LDB3: variants seen among roughly 807,000 people sequenced by gnomAD.
LDB3 encodes the protein LIM domain-binding protein 3.
LDB3 carries 49 observed loss-of-function variants against 69.0 expected under a neutral mutation model. That is an observed-to-expected ratio of 0.71 (90% CI 0.56 to 0.90). The LOEUF (loss-of-function observed/expected upper bound fraction) is 0.90, where lower values mean the gene tolerates loss of function less well. LDB3 is among the 40% of genes least tolerant of loss of function. The probability of loss-of-function intolerance (pLI) is 0.00; values close to 1 mark genes in which losing one functional copy is unlikely to be tolerated. For synonymous variants in LDB3, 387 were observed against 396.2 expected (o/e 0.98, Z 0.28); for missense variants, 928 against 974.1 (o/e 0.95, Z 0.63).
At chr10:86,693,585 T>C (rs1402608873) in intron 7 of LDB3, among the ~76,000 whole-genome samples, 1 of 152,242 alleles carries the variant, frequency 6.6e-6, no homozygotes, top group East Asian at 1.9e-4. Flanking sequence ...TCCCACTTTT[T>C]GGCCAGGCAT....
chr10:86,716,497 A>C lies in LDB3; in HGVS notation c.1402A>C (p.Asn468His). The C allele has an allele frequency of 6.4e-7, 1 of 1,552,354 alleles. No homozygotes were observed. Among genetic ancestry groups the C allele is most frequent in the Non-Finnish European group, 8.7e-7 (1 of 1,145,286 alleles). Reference protein sequence around the residue: ...APAYTPSPAPNYNPAPSVAYS... With the variant: ...APAYTPSPAPHYNPAPSVAYS... Reference sequence around the variant, plus strand: ...AGCCTATACCCCCTCACCTGCCCCCAACTATAACCCTGCACCCTCGGTGGC... The same window carrying C: ...AGCCTATACCCCCTCACCTGCCCCCCACTATAACCCTGCACCCTCGGTGGC... Residue 468 changes from asparagine (N) to histidine (H), a missense_variant, in exon 10 of 14, where the codon AAC becomes CAC. Asn to His is a moderately conservative substitution (Grantham distance 68). Coordinates refer to ENST00000361373, the MANE Select transcript of LDB3 (RefSeq NM_007078.3).
At chr10:86,710,722 A>C (rs1846615878) in intron 9 of LDB3, among the ~76,000 whole-genome samples, 1 of 152,230 alleles carries the variant, frequency 6.6e-6, no homozygotes, top group Non-Finnish European at 1.5e-5. Flanking sequence ...GCTGGAGCCC[A>C]GGGAGATGAG....
Position 86,681,500 on chromosome 10 carries a change from G to T in LDB3, c.386G>T (p.Ser129Ile). Residue 129 changes from serine to isoleucine, a missense_variant, in exon 5 of 14, where the codon AGC (serine) becomes ATC (isoleucine). Physicochemically the swap from Ser to Ile is moderately radical, Grantham distance 142 (BLOSUM62 -2). Coordinates refer to ENST00000361373, the MANE Select transcript of LDB3 (RefSeq NM_007078.3). ...APSPSPEARA[S>I]PGTPGTPELR... ...AGCCCCAGCCCTGAGGCGAGGGCCA[G>T]CCCAGGCACCCCAGGCACCCCGGAG... 1.9e-6 allele frequency: 3 copies of T among 1,610,754 alleles called. No individual in the cohort carries two copies. The highest frequency in any genetic ancestry group is 2.5e-6 in the Non-Finnish European group (3 of 1,179,774).
chr10:86,693,971 C>CT (rs1323319829), intron 7 of LDB3, among the ~76,000 whole-genome samples: 3 of 152,150 alleles, frequency 2.0e-5, no homozygotes, highest in Non-Finnish European at 4.4e-5. Flanking sequence ...AGCAGGGGGC[C>CT]TTTTTTCTCC....
In LDB3 at chr10:86,716,516, C is replaced by T. The variant is rs1011836119; in HGVS notation, c.1421C>T (p.Ser474Leu). 9 of 1,613,068 alleles carry T rather than the reference C, an allele frequency of 5.6e-6. No homozygotes were observed. The South Asian group carries it at 7.7e-5, about 14-fold the overall frequency. Residue 474 changes from serine to leucine, a missense_variant, in exon 10 of 14, where the codon TCG (serine) becomes TTG (leucine). Physicochemically the swap from Ser to Leu is moderately radical, Grantham distance 145. Coordinates refer to ENST00000361373, the MANE Select transcript of LDB3 (RefSeq NM_007078.3). ...GCCCCCAACTATAACCCTGCACCCT[C>T]GGTGGCCTACAGCGGGGGCCCTGCG... ...SPAPNYNPAP[S>L]VAYSGGPAEP...
upstream of LDB3, among the ~76,000 whole-genome samples, chr10:86,668,263 T>C (rs1844257756): frequency 4.6e-5 from 7 of 152,118 alleles, no homozygotes; most frequent in Middle Eastern, 6.8e-3. Flanking sequence ...GAAGAGCGAG[T>C]GTCTACGCTC....
chr10:86,696,415 C>T (rs1846002255), intron 7 of LDB3, among the ~76,000 whole-genome samples: 1 of 152,256 alleles, frequency 6.6e-6, no homozygotes, highest in Admixed American at 6.5e-5. Context: ...GTGCCGCTGC[C>T]TGAGCAGCCC....
At chr10:86,685,718 G>A in intron 5 of LDB3, 1 of 1,614,086 alleles carries the variant, frequency 6.2e-7, no homozygotes, top group Non-Finnish European at 8.5e-7. Context: ...TCAAAGGACA[G>A]CATGTGTGTG....
Position 86,699,177 on chromosome 10 carries a change from A to G in LDB3, c.896+6606A>G. ...CCACCTGTTAGACAGGGGAATGGTG[A>G]ACACATTCCCTAACCCCTTTCATTC... On this transcript the variant is annotated intron_variant, in intron 7 of 13. Coordinates refer to ENST00000361373, the MANE Select transcript of LDB3 (RefSeq NM_007078.3). This position sits in a 1 kb window ranked among gnomAD's most constrained non-coding sequence, Gnocchi z 4.9. 7.5e-7 allele frequency: 1 copy of G among 1,340,528 alleles called. No individual in the cohort carries two copies. The highest frequency in any genetic ancestry group is 1.1e-6 in the Non-Finnish European group (1 of 949,640). The allele number at this position is 1,340,528 out of a possible 1,614,324, so 83.0% of individuals were successfully genotyped here.
At position 86,679,945 on chromosome 10, in the gene LDB3, C is replaced by G. The variant is rs1845019350; in HGVS notation, c.246-137C>G. 4 of 778,810 alleles carry G rather than the reference C, an allele frequency of 5.1e-6. 1 individual carries two copies. The South Asian group carries it at 5.9e-5, about 11-fold the overall frequency. The allele number at this position is 778,810 out of a possible 1,614,324, so 48.2% of individuals were successfully genotyped here. On this transcript the variant is annotated intron_variant, in intron 3 of 13. Transcript: ENST00000361373. ...CCAGCCCATGGGGTGGACAGTGGAT[C>G]TGGGGCCCTCTGACTCAGCTATCTC...
rs562817374 is a variant in LDB3, at chr10:86,706,020, G to A, written c.897-511G>A. Among the ~76,000 whole-genome samples the A allele has an allele frequency of 9.7e-4, 148 of 152,174 alleles. 5 individuals carry two copies. In the South Asian group the frequency reaches 0.031, roughly 32 times the overall value. On this transcript the variant is annotated intron_variant, in intron 7 of 13. Coordinates refer to ENST00000361373, the MANE Select transcript of LDB3 (RefSeq NM_007078.3). ...CAGCCATCTGTCTTGTTGGTGCCCT[G>A]AGTCCTTCCGAGCCCAAAGCCTAGG... is the stretch of plus-strand genomic sequence containing the variant.
At chr10:86,716,304 T>C (rs377506483) in intron 9 of LDB3, 23 bp from the exon 10 acceptor site, 317 of 1,611,492 alleles carry the variant, frequency 2.0e-4, no homozygotes, top group Admixed American at 2.5e-4. Context: ...CACCTTTCTT[T>C]GGGTTTTTTT....
chr10:86,686,668 T>C (rs1171899175), intron 5 of LDB3, among the ~76,000 whole-genome samples: 1 of 145,686 alleles, frequency 6.9e-6, no homozygotes, highest in Non-Finnish European at 1.5e-5. Context: ...AAAAAAAAAA[T>C]AGTGGCATAT....
chr10:86,707,811 A>G (rs1846501223), intron 8 of LDB3, among the ~76,000 whole-genome samples: 1 of 152,036 alleles, frequency 6.6e-6, no homozygotes, highest in African/African-American at 2.4e-5. Flanking sequence ...CCCCAGCCCA[A>G]CTCAAGCCTG....
In LDB3 at chr10:86,681,682, A is replaced by G; in HGVS notation, c.568A>G (p.Ser190Gly). ...CGGCCCAAAAGCCCTGCCGGGCTCGAGCCAGCCGAGGCAATATAACAACCC... is the reference window on the plus strand; with the variant it reads ...CGGCCCAAAAGCCCTGCCGGGCTCGGGCCAGCCGAGGCAATATAACAACCC... ...LLGPKALPGS[S>G]QPRQYNNPIG... The change falls in exon 5 of 14, where the codon AGC (serine) becomes GGC (glycine). Residue 190 changes from serine to glycine, a missense_variant. Transcript: ENST00000361373. 2 of 1,613,474 alleles carry G rather than the reference A, an allele frequency of 1.2e-6. No homozygotes were observed. Among genetic ancestry groups the G allele is most frequent in the Non-Finnish European group, 1.7e-6 (2 of 1,179,914 alleles).
intron 2 of LDB3, among the ~76,000 whole-genome samples, chr10:86,678,382 C>T (rs1391369455): frequency 1.3e-5 from 2 of 150,388 alleles, no homozygotes; most frequent in African/African-American, 4.9e-5. Flanking sequence ...CTCTGTCACC[C>T]AGGCTGGAGT....
Position 86,716,316 on chromosome 10 carries a change from G to T in LDB3, c.1232-11G>T. 6.2e-7 allele frequency: 1 copy of T among 1,610,966 alleles called. No homozygotes were observed. Among genetic ancestry groups the T allele is most frequent in the Non-Finnish European group, 8.5e-7 (1 of 1,179,650 alleles). On this transcript the variant is annotated splice_polypyrimidine_tract_variant and intron_variant, in intron 9 of 13. Transcript: ENST00000361373. Reference sequence around the variant, plus strand: ...ACACACCTTTCTTTGGGTTTTTTTTGGCTTTTGCAGTGCCTGCATCTACCT... The same window carrying T: ...ACACACCTTTCTTTGGGTTTTTTTTTGCTTTTGCAGTGCCTGCATCTACCT...
intron 11 of LDB3, 35 bp from the exon 12 acceptor site, chr10:86,718,692 T>C (rs1351976074): frequency 6.2e-7 from 1 of 1,613,978 alleles, no homozygotes; most frequent in Non-Finnish European, 8.5e-7. Context: ...GCTCCCTCTC[T>C]CCTTTCTGTC....
rs1847579856 is a variant in LDB3, at chr10:86,735,022, TCA to T, written c.*2047_*2048del. ...AAAAAAAAAAAAACGTTCCCAGAAT[TCA>T]GTTTCCAAAATCTCTTTTTAAAGGG... On this transcript the variant is annotated 3_prime_UTR_variant, in exon 14 of 14. Transcript: ENST00000361373. The T allele has an allele frequency of 7.1e-6, 1 of 140,658 alleles. No homozygotes were observed. The highest frequency in any genetic ancestry group is 2.6e-5 in the African/African-American group (1 of 37,968). The allele number at this position is 140,658 out of a possible 1,614,324, so 8.7% of individuals were successfully genotyped here.
Sources: allele counts gnomAD v4.1 joint callset (sites outside exome capture counted in the v4.1 genomes callset), GRCh38; gene constraint gnomAD v4.1.1; non-coding constraint Gnocchi (gnomAD v3.1); transcripts MANE v1.5; gene names NCBI Gene and HGNC (gene_info 2026-07-23, HGNC 2026-07-21).